AGBL1: variants seen among roughly 807,000 people sequenced by gnomAD.
AGBL1 encodes AGBL carboxypeptidase 1.
In AGBL1, 130 loss-of-function variants were observed where a neutral mutation model predicts 118.9. The ratio of observed to expected loss-of-function variants is 1.09; its 90% CI spans 0.95 to 1.26. The LOEUF (loss-of-function observed/expected upper bound fraction) is 1.26. AGBL1 is among the 50% of genes most tolerant of loss of function. AGBL1 has a pLI of 0.00. For synonymous variants in AGBL1, 555 were observed against 478.9 expected (o/e 1.16, Z -2.08); for missense variants, 1,584 against 1,298.1 (o/e 1.22, Z -3.38).
chr15:86,443,977 G>A (rs573124407), intron 18 of AGBL1, among the ~76,000 whole-genome samples: 3 of 152,236 alleles, frequency 2.0e-5, no homozygotes, highest in African/African-American at 7.2e-5. Context: ...CTTTGTAGTA[G>A]GATTGCTGGA....
chr15:86,222,936 T>A (rs1445629820), intron 5 of AGBL1, among the ~76,000 whole-genome samples: 2 of 152,296 alleles, frequency 1.3e-5, no homozygotes, highest in East Asian at 3.9e-4. Flanking sequence ...TGCATATAAA[T>A]TATCTGTTAG....
At chr15:86,465,871 C>T (rs2082398758) in intron 18 of AGBL1, among the ~76,000 whole-genome samples, 1 of 152,130 alleles carries the variant, frequency 6.6e-6, no homozygotes, top group South Asian at 2.1e-4. Context: ...GCCTCTCTGC[C>T]CTTGTGATAT....
intron 24 of AGBL1, among the ~76,000 whole-genome samples, chr15:87,000,823 TG>T (rs1351483639): frequency 2.7e-5 from 4 of 147,150 alleles, no homozygotes; most frequent in Non-Finnish European, 4.5e-5. Flanking sequence ...TTGGGCAGTA[TG>T]GCCACTTTCA....
chr15:86,782,676 A>G (rs1054253875), intron 22 of AGBL1, among the ~76,000 whole-genome samples: 5 of 152,236 alleles, frequency 3.3e-5, no homozygotes, highest in South Asian at 2.1e-4. Context: ...GGGCATATCA[A>G]TCAAATTCAG....
At chr15:86,931,482 A>G (rs1198240433) in intron 23 of AGBL1, among the ~76,000 whole-genome samples, 1 of 152,126 alleles carries the variant, frequency 6.6e-6, no homozygotes, top group Admixed American at 6.6e-5. Flanking sequence ...ACCCCAGTTC[A>G]GTTTGGTAAC....
intron 21 of AGBL1, among the ~76,000 whole-genome samples, chr15:86,611,115 T>C (rs545420783): frequency 2.0e-5 from 3 of 152,318 alleles, no homozygotes; most frequent in East Asian, 3.9e-4. Context: ...GTATCTGCTC[T>C]TGGTAGCTTG....
chr15:86,198,985 T>C (rs984877739), intron 5 of AGBL1, among the ~76,000 whole-genome samples: 1 of 152,234 alleles, frequency 6.6e-6, no homozygotes, highest in African/African-American at 2.4e-5. Context: ...ATTCTAGCCT[T>C]GAAGATTGCT....
chr15:86,776,238 C>G (rs1419807179), intron 22 of AGBL1, among the ~76,000 whole-genome samples: 3 of 152,106 alleles, frequency 2.0e-5, no homozygotes, highest in African/African-American at 7.2e-5. Flanking sequence ...GAGACAGTAC[C>G]TTTCTGTCCT....
rs115986060 is a variant in AGBL1 at position 86,544,392 on chromosome 15, G to A, written c.2686-1610G>A. ...ATATGCCTCAGCTTGCATCATATTT[G>A]CTCAGTCTTATTGACCAAAAGATGC... On this transcript the variant is annotated intron_variant, in intron 19 of 22. Transcript: ENST00000614907. Among the ~76,000 whole-genome samples, 1,279 of 152,200 alleles carry A rather than the reference G, an allele frequency of 8.4e-3. 19 individuals are homozygous for A. The highest frequency in any genetic ancestry group is 0.03 in the African/African-American group (1,228 of 41,510).
At chr15:87,029,832 C>T (rs956936571), downstream of AGBL1, among the ~76,000 whole-genome samples, 3 of 151,802 alleles carry the variant, frequency 2.0e-5, no homozygotes, top group Admixed American at 1.3e-4. Context: ...CACATGCAAA[C>T]ACATGCACAC....
At chr15:86,897,828 G>T (rs1287399598) in intron 22 of AGBL1, among the ~76,000 whole-genome samples, 3 of 135,824 alleles carry the variant, frequency 2.2e-5, no homozygotes, top group South Asian at 4.7e-4. Flanking sequence ...GAAGCGCAGT[G>T]GCACAAACTC....
At chr15:86,347,588 T>C (rs1161051758) in intron 17 of AGBL1, among the ~76,000 whole-genome samples, 4 of 152,248 alleles carry the variant, frequency 2.6e-5, no homozygotes, top group Non-Finnish European at 5.9e-5. Flanking sequence ...TTCCTTTCTT[T>C]TTGGTTCTGA....
At chr15:86,886,966 T>C (rs1421705278) in intron 22 of AGBL1, among the ~76,000 whole-genome samples, 1 of 152,098 alleles carries the variant, frequency 6.6e-6, no homozygotes, top group Non-Finnish European at 1.5e-5. Flanking sequence ...ATGACACAGA[T>C]CAAAGCTCTA....
chr15:86,937,592 AATG>A (rs2141647319), intron 23 of AGBL1, among the ~76,000 whole-genome samples: 1 of 152,320 alleles, frequency 6.6e-6, no homozygotes, highest in South Asian at 2.1e-4. Flanking sequence ...GTGGGAGCTA[AATG>A]ATGAGAACTT....
intron 22 of AGBL1, among the ~76,000 whole-genome samples, chr15:86,874,651 G>C (rs2079780193): frequency 6.6e-6 from 1 of 152,104 alleles, no homozygotes; most frequent in Admixed American, 6.5e-5. Flanking sequence ...TAAGGCACAG[G>C]AGGAAGAAGA....
chr15:86,745,065 C>G (rs761733611), intron 22 of AGBL1, among the ~76,000 whole-genome samples: 2 of 152,104 alleles, frequency 1.3e-5, no homozygotes, highest in Admixed American at 6.6e-5. Flanking sequence ...TTTCCGTAGA[C>G]GTACTGCTGT....
chr15:86,266,533 T>C (rs2079075267), intron 12 of AGBL1, 76 bp downstream of exon 12: 1 of 1,042,390 alleles, frequency 9.6e-7, no homozygotes, highest in East Asian at 2.7e-5. Flanking sequence ...ACATGTTTCC[T>C]GTTAATAATC....
chr15:86,662,815 AC>A (rs1318720472), intron 21 of AGBL1, among the ~76,000 whole-genome samples: 1 of 152,192 alleles, frequency 6.6e-6, no homozygotes, highest in African/African-American at 2.4e-5. Flanking sequence ...CTCTTACCTA[AC>A]AAAAACTACT....
At chr15:86,630,885 G>A (rs1051065427) in intron 21 of AGBL1, among the ~76,000 whole-genome samples, 43 of 152,218 alleles carry the variant, frequency 2.8e-4, no homozygotes, top group African/African-American at 9.9e-4. Context: ...CCCGGAGAGC[G>A]CACCAACAGA....
Sources: gnomAD v4.1 joint callset for allele counts (sites outside exome capture counted in the v4.1 genomes callset) on GRCh38, gnomAD v4.1.1 for gene constraint, MANE v1.5 for transcripts, NCBI Gene and HGNC (gene_info 2026-07-23, HGNC 2026-07-21) for gene names.